Variants in CFAP74 observed in about 807,000 individuals in gnomAD.
CFAP74 encodes cilia and flagella associated protein 74, also known as cilia- and flagella-associated protein 74.
In CFAP74, 124 loss-of-function variants were observed where a neutral mutation model predicts 188.9. The observed-to-expected ratio is 0.66, with a 90% confidence interval of 0.57 to 0.76. The LOEUF (loss-of-function observed/expected upper bound fraction) is 0.76. Ranked by LOEUF, CFAP74 falls within the 30% of genes least tolerant of loss-of-function variation. CFAP74 has a pLI of 0.00. For missense variants in CFAP74, 2,198 were observed against 2,165.2 expected (o/e 1.02, Z -0.30); for synonymous variants, 956 against 916.7 (o/e 1.04, Z -0.77).
intron 6 of CFAP74, among the ~76,000 whole-genome samples, chr1:1,979,515 G>A (rs1384039916): frequency 3.0e-5 from 4 of 134,208 alleles, no homozygotes; most frequent in East Asian, 2.3e-4. Context: ...GTCACGTGAC[G>A]AAGCTGCGCA....
intron 6 of CFAP74, among the ~76,000 whole-genome samples, chr1:1,983,426 G>A (rs1362678331): frequency 1.1e-4 from 17 of 152,246 alleles, no homozygotes; most frequent in Admixed American, 1.1e-3. Flanking sequence ...GGACACCCGA[G>A]GGACTGGTCA....
At chr1:1,988,449 A>G in intron 4 of CFAP74, 63 bp downstream of exon 4, 1 of 1,591,900 alleles carries the variant, frequency 6.3e-7, no homozygotes, top group Non-Finnish European at 8.5e-7. Flanking sequence ...CCCCTGCTGC[A>G]CCCATGTCAC....
intron 1 of CFAP74, among the ~76,000 whole-genome samples, chr1:1,997,646 G>A (rs553792875): frequency 5.9e-5 from 9 of 152,074 alleles, no homozygotes; most frequent in South Asian, 2.1e-4. Flanking sequence ...AAAAGCTACC[G>A]TTTATAATCA....
chr1:1,946,114 ATGCC>A (rs1196152310), intron 20 of CFAP74, among the ~76,000 whole-genome samples, 199 bp downstream of exon 20: 3 of 152,128 alleles, frequency 2.0e-5, no homozygotes, highest in Non-Finnish European at 2.9e-5. Context: ...TGCTCACAGC[ATGCC>A]TGCCTGTGTA....
At chr1:1,937,741 C>A (rs1422071543) in intron 25 of CFAP74, among the ~76,000 whole-genome samples, 3 of 152,154 alleles carry the variant, frequency 2.0e-5, no homozygotes, top group African/African-American at 7.2e-5. Context: ...GGTCCAGTTT[C>A]ATCTCTCCCT....
chr1:1,968,120 G>A lies in CFAP74; in HGVS notation c.1245+515C>T, dbSNP rs939083434. On this transcript the variant is annotated intron_variant, in intron 11 of 38. Transcript: ENST00000682832. The surrounding 1 kb of genome is among the most constrained non-coding windows in gnomAD (Gnocchi z 4.3). ...GTGAATGAATGAGTGAATGAATGAA[G>A]AATGAGTGAGTGAATGAATGAAGAA... Among the ~76,000 whole-genome samples, 1 of 142,234 alleles carries A rather than the reference G, an allele frequency of 7.0e-6. No individual in the cohort carries two copies. Among genetic ancestry groups the A allele is most frequent in the South Asian group, 2.2e-4 (1 of 4,640 alleles). The allele number at this position is 142,234 out of a possible 152,430, so 93.3% of individuals were successfully genotyped here.
At chr1:1,961,700 A>G (rs1363921082) in intron 14 of CFAP74, among the ~76,000 whole-genome samples, 2 of 152,196 alleles carry the variant, frequency 1.3e-5, no homozygotes, top group Non-Finnish European at 2.9e-5. Context: ...AAAATTAACC[A>G]TAAGGTGAAA....
chr1:1,981,900 G>C (rs1570971182), intron 6 of CFAP74, among the ~76,000 whole-genome samples: 1 of 76,638 alleles, frequency 1.3e-5, no homozygotes, highest in East Asian at 5.1e-4. Flanking sequence ...GCCGCGGACA[G>C]ACACGGGGGC....
chr1:1,976,455 C>T (rs1471986078), intron 6 of CFAP74, among the ~76,000 whole-genome samples: 2 of 152,290 alleles, frequency 1.3e-5, no homozygotes, highest in South Asian at 2.1e-4. Flanking sequence ...TGGAGGCTTC[C>T]AGAGGCTTCC....
Position 1,988,581 on chromosome 1 carries a change from T to G in CFAP74, c.227A>C (p.His76Pro), listed in dbSNP as rs764706136. The change falls in exon 4 of 39, where the codon CAC (histidine) becomes CCC (proline). Residue 76 changes from histidine (H) to proline (P), a missense_variant. Coordinates refer to ENST00000682832, the MANE Select transcript of CFAP74 (RefSeq NM_001304360.2). ...KTAEDRTQAF[H>P]LRQNLSALDK... is the part of the protein sequence containing the mutation. Reference sequence around the variant, plus strand: ...CAGGGCGCTCAGGTTCTGCCGCAGGTGAAATGCCTGCGTTCTGTCCTCAGC... The same window carrying G: ...CAGGGCGCTCAGGTTCTGCCGCAGGGGAAATGCCTGCGTTCTGTCCTCAGC... 1 of 1,613,280 alleles carries G rather than the reference T, an allele frequency of 6.2e-7. No individual in the cohort carries two copies. The highest frequency in any genetic ancestry group is 2.2e-5 in the East Asian group (1 of 44,896).
Position 1,923,705 on chromosome 1 carries a change from G to T in CFAP74, c.4389+70C>A. The stretch of plus-strand genomic sequence containing the variant: ...CTCAGGGCCTCCAAAGTGGAGCAGT[G>T]CAGCCAAAGGCAAGGCCCTGCGTGG... On this transcript the variant is annotated intron_variant, in intron 35 of 38. Coordinates refer to ENST00000682832, the MANE Select transcript of CFAP74 (RefSeq NM_001304360.2). This position sits in a 1 kb window ranked among gnomAD's most constrained non-coding sequence, Gnocchi z 6.3. 2 of 1,602,286 alleles carry T rather than the reference G, an allele frequency of 1.2e-6. No homozygotes were observed. Among genetic ancestry groups the T allele is most frequent in the South Asian group, 1.1e-5 (1 of 90,710 alleles).
rs550996059 is a variant in CFAP74, at chr1:1,923,399, G to C, written c.4490C>G (p.Ala1497Gly). The C allele has an allele frequency of 1.0e-5, 16 of 1,592,096 alleles. 1 individual carries two copies. In the South Asian group the frequency reaches 1.7e-4, roughly 17 times the overall value. ...GTGCCTGGGGTCAAATACAGGGATC[G>C]CTGTCAGAGACTCCACGGGCACGTC... ...PLDVPVESLT[A>G]IPVFDPRHRE... Residue 1497 changes from alanine to glycine, a missense_variant, in exon 36 of 39, where the codon GCG (alanine) becomes GGG (glycine). By Grantham distance (60) the Ala-to-Gly change is moderately conservative. Coordinates refer to ENST00000682832, the MANE Select transcript of CFAP74 (RefSeq NM_001304360.2). This position sits in a 1 kb window ranked among gnomAD's most constrained non-coding sequence, Gnocchi z 6.3.
chr1:1,954,092 G>A (rs1277121853), intron 18 of CFAP74: 3 of 152,306 alleles, frequency 2.0e-5, no homozygotes, highest in Non-Finnish European at 4.4e-5. Flanking sequence ...ATGGGCCCAG[G>A]GAAAGACACG....
Position 1,925,864 on chromosome 1 carries a change from G to A in CFAP74, c.4023C>T (p.Ser1341=). Residue 1341 remains serine (S), a synonymous_variant, in exon 33 of 39, where the codon TCC becomes TCT. Coordinates refer to ENST00000682832, the MANE Select transcript of CFAP74 (RefSeq NM_001304360.2). The stretch of plus-strand genomic sequence containing the variant: ...TGCCTTCAATGGAGCACGTGATCAT[G>A]GACGCCACGCCAGTGCCCATGAGGG... ...TLTLMGTGVA[S]MITCSIEGSV... is the part of the protein sequence containing the mutation. 6.2e-7 allele frequency: 1 copy of A among 1,612,722 alleles called. No individual in the cohort carries two copies. Among genetic ancestry groups the A allele is most frequent in the Non-Finnish European group, 8.5e-7 (1 of 1,179,930 alleles).
Position 1,944,368 on chromosome 1 carries a change from C to A in CFAP74, c.2449G>T (p.Asp817Tyr). 6.5e-7 allele frequency: 1 copy of A among 1,536,026 alleles called. No individual in the cohort carries two copies. The highest frequency in any genetic ancestry group is 1.2e-5 in the South Asian group (1 of 84,044). ...AGCACAGAGTCCTGGTAGAGCCGGT[C>A]ATACATGCAGATCTTCAGGTCCACG... ...PSVDLKICMY[D>Y]RLYQDSVLVH... is the part of the protein sequence containing the mutation. The change falls in exon 21 of 39, where the codon GAC becomes TAC. Residue 817 changes from aspartate to tyrosine, a missense_variant. By Grantham distance (160) the Asp-to-Tyr change is radical (BLOSUM62 -3). Coordinates refer to ENST00000682832, the MANE Select transcript of CFAP74 (RefSeq NM_001304360.2).
rs373170191 is a variant in CFAP74, at chr1:1,934,350, G to A, written c.3012-4014C>T. Among the ~76,000 whole-genome samples, 5 of 145,520 alleles carry A rather than the reference G, an allele frequency of 3.4e-5. 1 individual carries two copies. The highest frequency in any genetic ancestry group is 2.5e-5 in the African/African-American group (1 of 39,538). ...AGGTTGTAGGTACACAGGTGTATAC[G>A]TGGGTGTTAGGTTGTAGGTACACAC... is the stretch of plus-strand genomic sequence containing the variant. On this transcript the variant is annotated intron_variant, in intron 25 of 38. Transcript: ENST00000682832.
rs1422814630 is a variant in CFAP74, at chr1:1,993,779, G to GC, written c.-19-2805_-19-2804insG. ...AGGTGGATCACGAGGTCAGGAGATC[G>GC]AGACCATCCTGGCTAACACAATGAA... On this transcript the variant is annotated intron_variant, in intron 1 of 38. Coordinates refer to ENST00000682832, the MANE Select transcript of CFAP74 (RefSeq NM_001304360.2). Among the ~76,000 whole-genome samples, 6 of 5,848 alleles carry GC rather than the reference G, an allele frequency of 1.0e-3. No homozygotes were observed. In the East Asian group the frequency reaches 0.03, roughly 30 times the overall value. 3.8% of individuals were successfully genotyped at this position (5,848 alleles called of 152,430 possible).
At chr1:1,965,285 A>T (rs1655394649) in intron 12 of CFAP74, among the ~76,000 whole-genome samples, 1 of 152,236 alleles carries the variant, frequency 6.6e-6, no homozygotes, top group Non-Finnish European at 1.5e-5. Flanking sequence ...TTGACAAGGC[A>T]GGGACCCCTC....
intron 3 of CFAP74, 56 bp from the exon 4 acceptor site, chr1:1,988,711 T>C (rs1657391141): frequency 1.9e-6 from 3 of 1,591,194 alleles, no homozygotes; most frequent in African/African-American, 1.3e-5. Context: ...TCAGAACTCA[T>C]TCCTCGGTGT....
Sources: gnomAD v4.1 joint callset for allele counts (sites outside exome capture counted in the v4.1 genomes callset) on GRCh38, gnomAD v4.1.1 for gene constraint, Gnocchi (gnomAD v3.1) non-coding constraint, MANE v1.5 for transcripts, NCBI Gene and HGNC (gene_info 2026-07-23, HGNC 2026-07-21) for gene names.